Variants in ITPR2 observed in about 807,000 individuals in gnomAD.
ITPR2 encodes inositol 1,4,5-trisphosphate-gated calcium channel ITPR2.
ITPR2 carries 207 observed loss-of-function variants against 317.1 expected under a neutral mutation model. The observed-to-expected ratio is 0.65, with a 90% CI of 0.58 to 0.73. The LOEUF is 0.73. ITPR2 is among the 30% of genes least tolerant of loss of function. The pLI is 0.00. For synonymous variants in ITPR2, 1,156 were observed against 1,149.1 expected (o/e 1.01, Z -0.12); for missense variants, 2,613 against 3,284.0 (o/e 0.80, Z 4.99).
intron 35 of ITPR2, among the ~76,000 whole-genome samples, chr12:26,559,214 G>A (rs1944746268): frequency 1.3e-5 from 2 of 152,100 alleles, no homozygotes; most frequent in Non-Finnish European, 2.9e-5. Flanking sequence ...AAGTAAACCA[G>A]GTCAGCCTCT....
chr12:26,729,565 A>C (rs939611463), intron 2 of ITPR2, among the ~76,000 whole-genome samples: 1 of 152,166 alleles, frequency 6.6e-6, no homozygotes, highest in Non-Finnish European at 1.5e-5. Context: ...AATGCCCATC[A>C]ATCATAGACT....
chr12:26,445,460 GT>G (rs569973102), intron 45 of ITPR2, among the ~76,000 whole-genome samples: 130 of 152,220 alleles, frequency 8.5e-4, no homozygotes, highest in Middle Eastern at 3.4e-3. Flanking sequence ...TCCAATATAG[GT>G]TAGGAAGAGA....
At chr12:26,591,383 G>C (rs1945699591) in intron 32 of ITPR2, among the ~76,000 whole-genome samples, 1 of 152,142 alleles carries the variant, frequency 6.6e-6, no homozygotes, top group Non-Finnish European at 1.5e-5. Context: ...ACTACAATGA[G>C]ATATCATCTC....
intron 52 of ITPR2, among the ~76,000 whole-genome samples, chr12:26,403,690 G>A (rs746204771): frequency 1.3e-5 from 2 of 152,124 alleles, no homozygotes; most frequent in Non-Finnish European, 2.9e-5. Context: ...GAGATAAACT[G>A]TACAGAGATA....
At chr12:26,455,427 G>C (rs1423534268) in intron 45 of ITPR2, among the ~76,000 whole-genome samples, 1 of 144,360 alleles carries the variant, frequency 6.9e-6, no homozygotes, top group Non-Finnish European at 1.5e-5. Context: ...CTGCTCAAAT[G>C]AACTGTGTTT....
chr12:26,486,263 T>G lies in ITPR2; in HGVS notation c.5652A>C (p.Glu1884Asp). 1 of 1,614,168 alleles carries G rather than the reference T, an allele frequency of 6.2e-7. No homozygotes were observed. Residue 1884 changes from glutamate (E) to aspartate (D), a missense_variant, in exon 41 of 57, where the codon GAA becomes GAC. Physicochemically the swap from Glu to Asp is conservative, Grantham distance 45 (BLOSUM62 2). Around this residue, in one of 9 missense-constraint regions of ITPR2, gnomAD observed 926 missense variants for 1,072.8 expected, o/e 0.86. Coordinates refer to ENST00000381340, the MANE Select transcript of ITPR2 (RefSeq NM_002223.4). ...TSKAYCVYRR[E>D]MDPEIDIMCT... Reference sequence around the variant, plus strand: ...ACATAATGTCTATTTCTGGATCCATTTCTCTTCTGTATACACAATATGCTT... The same window carrying G: ...ACATAATGTCTATTTCTGGATCCATGTCTCTTCTGTATACACAATATGCTT...
intron 34 of ITPR2, among the ~76,000 whole-genome samples, chr12:26,568,019 T>TA (rs1945056712): frequency 1.6e-5 from 2 of 126,338 alleles, no homozygotes; most frequent in African/African-American, 6.6e-5. Context: ...TATATATATA[T>TA]ATATATATAT....
intron 21 of ITPR2, 80 bp downstream of exon 21, chr12:26,653,896 A>C: frequency 8.6e-7 from 1 of 1,166,264 alleles, no homozygotes; most frequent in Non-Finnish European, 1.3e-6. Flanking sequence ...ACACAATAGC[A>C]ACCCCTTCTC....
Position 26,578,727 on chromosome 12 carries a change from G to A in ITPR2, c.4616C>T (p.Thr1539Ile), listed in dbSNP as rs1945329612. The stretch of plus-strand genomic sequence containing the variant: ...CTATGACTTACCCACTTCAGCCAAA[G>A]TTCTGATACAGGATTCCACTGAGGC... ...QKASVESCIR[T>I]LAEVAKNRGI... Residue 1539 changes from threonine to isoleucine, a missense_variant, in exon 34 of 57, where the codon ACT (threonine) becomes ATT (isoleucine). Thr to Ile is a moderately conservative substitution (Grantham distance 89, BLOSUM62 -1). Around this residue, in one of 9 missense-constraint regions of ITPR2, gnomAD observed 926 missense variants for 1,072.8 expected, o/e 0.86. Coordinates refer to ENST00000381340, the MANE Select transcript of ITPR2 (RefSeq NM_002223.4). The A allele has an allele frequency of 1.2e-6, 2 of 1,603,324 alleles. No homozygotes were observed. The highest frequency in any genetic ancestry group is 1.7e-6 in the Non-Finnish European group (2 of 1,172,432).
chr12:26,550,988 C>T (rs1030427157), intron 36 of ITPR2, among the ~76,000 whole-genome samples: 2 of 152,192 alleles, frequency 1.3e-5, no homozygotes, highest in Non-Finnish European at 2.9e-5. Flanking sequence ...TCAAGTGGTA[C>T]ACTGTGCACT....
At chr12:26,509,554 C>T (rs1207434205) in intron 37 of ITPR2, among the ~76,000 whole-genome samples, 1 of 152,104 alleles carries the variant, frequency 6.6e-6, no homozygotes, top group Non-Finnish European at 1.5e-5. Flanking sequence ...TCATAAAGTT[C>T]TGCATTTAGG....
At chr12:26,415,554 A>T in intron 50 of ITPR2, 56 bp from the exon 51 acceptor site, 1 of 1,206,246 alleles carries the variant, frequency 8.3e-7, no homozygotes. Context: ...GAAAAGGTGA[A>T]CAAACAAAAA....
chr12:26,399,140 T>C, intron 53 of ITPR2, 99 bp from the exon 54 acceptor site: 1 of 880,930 alleles, frequency 1.1e-6, no homozygotes, highest in Non-Finnish European at 1.6e-6. Flanking sequence ...GAAATGAATA[T>C]AAATAGTATC....
intron 55 of ITPR2, among the ~76,000 whole-genome samples, chr12:26,370,784 CCTG>C (rs1939164727): frequency 6.6e-6 from 1 of 152,184 alleles, no homozygotes; most frequent in Non-Finnish European, 1.5e-5. Flanking sequence ...AAGTGATTCT[CCTG>C]CCTCAGCCTC....
At chr12:26,461,687 TATATACACAC>T (rs1251756305) in intron 45 of ITPR2, among the ~76,000 whole-genome samples, 1 of 86,144 alleles carries the variant, frequency 1.2e-5, no homozygotes, top group Non-Finnish European at 2.6e-5. Context: ...CATACATATA[TATATACACAC>T]ACACACACAC....
At chr12:26,599,453 G>T in intron 29 of ITPR2, 108 bp from the exon 30 acceptor site, 1 of 977,028 alleles carries the variant, frequency 1.0e-6, no homozygotes. Context: ...TTTATACGAA[G>T]CCACAGTGAA....
intron 2 of ITPR2, among the ~76,000 whole-genome samples, chr12:26,734,783 T>C (rs1949088217): frequency 1.3e-5 from 2 of 152,190 alleles, no homozygotes; most frequent in Admixed American, 1.3e-4. Flanking sequence ...CAGTTTGTTA[T>C]GCTAGTTCCT....
chr12:26,688,437 G>T (rs1049875748), intron 10 of ITPR2, among the ~76,000 whole-genome samples: 2 of 152,026 alleles, frequency 1.3e-5, no homozygotes, highest in African/African-American at 2.4e-5. Flanking sequence ...AGAGAGAAAG[G>T]TAAGCATTAT....
intron 9 of ITPR2, among the ~76,000 whole-genome samples, chr12:26,703,293 A>C (rs1275318107): frequency 6.6e-6 from 1 of 152,230 alleles, no homozygotes; most frequent in African/African-American, 2.4e-5. Context: ...AAGAGATCTC[A>C]ATGTCCCAGA....
Sources: gnomAD v4.1 joint callset for allele counts (sites outside exome capture counted in the v4.1 genomes callset) on GRCh38, gnomAD v4.1.1 for gene constraint, gnomAD v4.1.1 regional missense constraint, MANE v1.5 for transcripts, NCBI Gene and HGNC (gene_info 2026-07-23, HGNC 2026-07-21) for gene names.